KHDC1: variants seen among roughly 807,000 people sequenced by gnomAD.
KHDC1 encodes the protein KH homology domain-containing protein 1.
A neutral mutation model predicts 24.7 loss-of-function variants in KHDC1; 21 were observed. The observed-to-expected ratio is 0.85, with a 90% CI of 0.60 to 1.23. KHDC1 has a LOEUF of 1.23. Ranked by LOEUF, KHDC1 falls within the 50% of genes most tolerant of loss-of-function variation. The probability of loss-of-function intolerance (pLI) is 0.00; values close to 1 mark genes in which losing one functional copy is unlikely to be tolerated. For missense variants in KHDC1, 274 were observed against 298.5 expected (o/e 0.92, Z 0.61); for synonymous variants, 98 against 111.7 (o/e 0.88, Z 0.77).
intron 1 of KHDC1, chr6:73,293,233 T>G: frequency 1.5e-6 from 1 of 669,480 alleles, no homozygotes. Context: ...CAATAGCAGG[T>G]CAGAGGCTCC....
intron 2 of KHDC1, among the ~76,000 whole-genome samples, chr6:73,279,234 C>T (rs1034214357): frequency 1.3e-5 from 2 of 152,268 alleles, no homozygotes; most frequent in Middle Eastern, 3.4e-3. Flanking sequence ...TGACGAAACC[C>T]CGTCTCTACT....
At chr6:73,264,506 G>A (rs1767047006) in intron 2 of KHDC1, among the ~76,000 whole-genome samples, 2 of 152,286 alleles carry the variant, frequency 1.3e-5, no homozygotes, top group South Asian at 2.1e-4. Context: ...AAGAACGCCT[G>A]TAGGAACCCA....
chr6:73,261,067 T>C (rs529106972), intron 2 of KHDC1, among the ~76,000 whole-genome samples: 23 of 152,334 alleles, frequency 1.5e-4, no homozygotes, highest in African/African-American at 5.0e-4. Flanking sequence ...CTTGCAAACC[T>C]CTCTTGTCTA....
exon 1 of KHDC1, chr6:73,310,007 A>G (rs1768052382): frequency 5.5e-6 from 2 of 366,832 alleles, no homozygotes; most frequent in Non-Finnish European, 4.9e-6. Context: ...GATAACATCC[A>G]CAACGCCACG....
At chr6:73,255,471 C>A (rs1486768294) in intron 2 of KHDC1, among the ~76,000 whole-genome samples, 51 of 147,490 alleles carry the variant, frequency 3.5e-4, no homozygotes, top group Non-Finnish European at 4.5e-5. Flanking sequence ...CACCCGCCTT[C>A]TTGGCCTCCC....
chr6:73,279,575 A>ATTT (rs560281126), intron 2 of KHDC1, among the ~76,000 whole-genome samples: 18 of 98,300 alleles, frequency 1.8e-4, no homozygotes, highest in Non-Finnish European at 2.6e-4. Context: ...GGGACCATGG[A>ATTT]TTTTTTTTTT....
At chr6:73,245,820 C>T (rs1766654716) in intron 2 of KHDC1, among the ~76,000 whole-genome samples, 1 of 152,100 alleles carries the variant, frequency 6.6e-6, no homozygotes, top group African/African-American at 2.4e-5. Flanking sequence ...GAATAACAGT[C>T]GGGCAATTTT....
intron 1 of KHDC1, among the ~76,000 whole-genome samples, chr6:73,295,349 T>A (rs1420310342): frequency 1.3e-5 from 2 of 152,186 alleles, no homozygotes; most frequent in Non-Finnish European, 2.9e-5. Context: ...TTAGACCTCT[T>A]GTCATTATAA....
At chr6:73,306,646 C>A (rs999964253) in intron 1 of KHDC1, among the ~76,000 whole-genome samples, 10 of 150,790 alleles carry the variant, frequency 6.6e-5, no homozygotes, top group African/African-American at 2.4e-4. Context: ...TAGATAATAC[C>A]CTCCTTCTAG....
intron 2 of KHDC1, among the ~76,000 whole-genome samples, chr6:73,267,372 A>G (rs919964319): frequency 6.6e-5 from 10 of 152,184 alleles, no homozygotes; most frequent in Non-Finnish European, 7.3e-5. Context: ...AGTCCCAGCT[A>G]CTTGGGAGGC....
chr6:73,272,776 G>A (rs1270990295), intron 2 of KHDC1, among the ~76,000 whole-genome samples: 6 of 150,224 alleles, frequency 4.0e-5, no homozygotes, highest in South Asian at 2.1e-4. Context: ...ACTCCATCCC[G>A]GGGGGGAAAA....
chr6:73,309,427 G>A, intron 1 of KHDC1: 1 of 934,302 alleles, frequency 1.1e-6, no homozygotes, highest in Non-Finnish European at 1.5e-6. Flanking sequence ...GTGATTTGCA[G>A]AACTGTCCTA....
intron 1 of KHDC1, among the ~76,000 whole-genome samples, chr6:73,296,309 G>T (rs1169803568): frequency 6.7e-6 from 1 of 150,310 alleles, no homozygotes; most frequent in African/African-American, 2.5e-5. Context: ...ATAAAAATTA[G>T]CCAGGTGTAA....
chr6:73,277,486 G>A (rs1158995306), intron 2 of KHDC1, among the ~76,000 whole-genome samples: 1 of 152,068 alleles, frequency 6.6e-6, no homozygotes, highest in Non-Finnish European at 1.5e-5. Context: ...GAACAAGTCT[G>A]TCATGTTTCT....
At chr6:73,297,733 TGCAAGCAGGAATACATG>T (rs1767782055) in intron 1 of KHDC1, among the ~76,000 whole-genome samples, 2 of 152,252 alleles carry the variant, frequency 1.3e-5, no homozygotes, top group South Asian at 4.2e-4. Flanking sequence ...TATTGGAAAA[TGCAAGCAGGAATACATG>T]GCAAGCAGAG....
chr6:73,280,402 A>G (rs967552212), intron 2 of KHDC1, among the ~76,000 whole-genome samples: 6 of 152,036 alleles, frequency 3.9e-5, no homozygotes, highest in African/African-American at 9.7e-5. Flanking sequence ...GGCTCAAGCA[A>G]TCAGCCCACC....
intron 1 of KHDC1, among the ~76,000 whole-genome samples, chr6:73,306,164 T>A (rs1273418941): frequency 1.3e-5 from 2 of 152,028 alleles, no homozygotes; most frequent in Non-Finnish European, 2.9e-5. Context: ...CCCTGAATCC[T>A]CACCCTTCCT....
intron 2 of KHDC1, among the ~76,000 whole-genome samples, chr6:73,257,144 T>C (rs771143817): frequency 1.1e-4 from 17 of 152,134 alleles, no homozygotes; most frequent in Non-Finnish European, 1.6e-4. Context: ...AATACAAAAA[T>C]TAGCTGGGCA....
At chr6:73,292,796 T>G in intron 1 of KHDC1, 2 of 711,968 alleles carry the variant, frequency 2.8e-6, no homozygotes, top group Non-Finnish European at 5.3e-6. Context: ...TCAACAGGAG[T>G]CTTACACATA....
Sources: allele counts gnomAD v4.1 joint callset (sites outside exome capture counted in the v4.1 genomes callset), GRCh38; gene constraint gnomAD v4.1.1; transcripts MANE v1.5; gene names NCBI Gene and HGNC (gene_info 2026-07-23, HGNC 2026-07-21).